The following PRH1 variants were observed in gnomAD, a reference collection of about 807,000 sequenced individuals.
PRH1 encodes the protein salivary acidic proline-rich phosphoprotein 1/2.
PRH1 carries 7 observed loss-of-function variants against 7.9 expected under a neutral mutation model. The ratio of observed to expected loss-of-function variants is 0.89; its 90% CI spans 0.50 to 1.67. The LOEUF (loss-of-function observed/expected upper bound fraction) is 1.67. PRH1 is among the 40% of genes most tolerant of loss of function. PRH1 has a pLI of 0.00. For synonymous variants in PRH1, 45 were observed against 80.8 expected (o/e 0.56, Z 2.38); for missense variants, 109 against 223.6 (o/e 0.49, Z 3.27).
intron 1 of PRH1, chr12:10,987,000 A>G (rs1939676974): frequency 3.7e-6 from 2 of 543,218 alleles, no homozygotes; most frequent in South Asian, 9.0e-5. Flanking sequence ...CACTGTGACC[A>G]GTGTCAAACA....
intron 1 of PRH1, among the ~76,000 whole-genome samples, chr12:10,883,529 C>G (rs1447216282): frequency 6.6e-6 from 1 of 152,172 alleles, no homozygotes; most frequent in Admixed American, 6.5e-5. Flanking sequence ...GGGGATTCTT[C>G]TGCCCTCTTT....
chr12:11,028,315 A>C (rs1357789664), intron 1 of PRH1, among the ~76,000 whole-genome samples: 1 of 152,228 alleles, frequency 6.6e-6, no homozygotes, highest in Non-Finnish European at 1.5e-5. Flanking sequence ...GACTAATGCC[A>C]GCTGTGGTTT....
chr12:11,137,791 TG>T (rs1946596883), intron 1 of PRH1, among the ~76,000 whole-genome samples: 1 of 152,202 alleles, frequency 6.6e-6, no homozygotes, highest in African/African-American at 2.4e-5. Context: ...TTCCAAATTA[TG>T]TGTTTAAATA....
In PRH1 at chr12:11,021,476, C is replaced by T. The variant is rs1941624202; in HGVS notation, c.-126+25544G>A. On this transcript the variant is annotated intron_variant, in intron 1 of 3. Transcript: ENST00000539853. ...TTTATGGTCAACGTTGTTATTCACA[C>T]ACATGCACACATATACACCCATAAA... 1.1e-5 allele frequency: 5 copies of T among 460,362 alleles called. No homozygotes were observed. In the South Asian group the frequency reaches 2.5e-4, roughly 23 times the overall value. 28.5% of individuals were successfully genotyped at this position (460,362 alleles called of 1,614,324 possible).
chr12:11,020,368 A>ATC lies in PRH1; in HGVS notation c.-126+26651_-126+26652insGA, dbSNP rs1241776858. Among the ~76,000 whole-genome samples the ATC allele has an allele frequency of 4.3e-3, 183 of 42,294 alleles. 7 individuals are homozygous for ATC. The East Asian group carries it at 0.3, about 69-fold the overall frequency. The allele number at this position is 42,294 out of a possible 152,430, so 27.7% of individuals were successfully genotyped here. Reference sequence around the variant, plus strand: ...AGGGAGGACGTATGATAAGCGATATATATATATATATATATATATATATGT... The same window carrying ATC: ...AGGGAGGACGTATGATAAGCGATATATCTATATATATATATATATATATATGT... On this transcript the variant is annotated intron_variant, in intron 1 of 3. Coordinates refer to the PRH1 transcript ENST00000539853.
At chr12:10,955,977 T>C (rs978552324) in intron 2 of PRH1, among the ~76,000 whole-genome samples, 1 of 152,000 alleles carries the variant, frequency 6.6e-6, no homozygotes, top group Non-Finnish European at 1.5e-5. Flanking sequence ...TAGGACCTGA[T>C]AGATTCTCAG....
chr12:11,098,876 A>G (rs1388887966), intron 1 of PRH1, among the ~76,000 whole-genome samples: 1 of 152,198 alleles, frequency 6.6e-6, no homozygotes, highest in African/African-American at 2.4e-5. Context: ...TTATTTTCTC[A>G]AAATTTCCAA....
At chr12:11,142,346 T>C (rs1248915155) in intron 1 of PRH1, among the ~76,000 whole-genome samples, 3 of 152,136 alleles carry the variant, frequency 2.0e-5, no homozygotes, top group Admixed American at 6.5e-5. Context: ...GGAAAACCAC[T>C]CCTAAAATAT....
intron 1 of PRH1, chr12:11,092,431 C>T: frequency 3.1e-6 from 1 of 322,478 alleles, no homozygotes; most frequent in South Asian, 3.1e-5. Context: ...AAAGCTTCCA[C>T]AGAGTGAAAG....
chr12:11,150,716 T>C (rs1947054067), intron 1 of PRH1, among the ~76,000 whole-genome samples: 1 of 152,164 alleles, frequency 6.6e-6, no homozygotes, highest in Non-Finnish European at 1.5e-5. Context: ...ATATACCTAA[T>C]GCTAAATGAC....
At position 11,107,864 on chromosome 12, in the gene PRH1, A is replaced by G. The variant is rs151317411; in HGVS notation, n.124-60676T>C. On this transcript the variant is annotated intron_variant and non_coding_transcript_variant, in intron 1 of 4. Transcript: ENST00000541977. Reference sequence around the variant, plus strand: ...ACTACCTCAAAGAATTTAATAATCAATTTCCCTAAGCTCAAGGATAAAGAA... The same window carrying G: ...ACTACCTCAAAGAATTTAATAATCAGTTTCCCTAAGCTCAAGGATAAAGAA... Among the ~76,000 whole-genome samples, 4 of 152,332 alleles carry G rather than the reference A, an allele frequency of 2.6e-5. No individual in the cohort carries two copies. The East Asian group carries it at 5.8e-4, about 22-fold the overall frequency.
At chr12:11,031,307 G>C in intron 1 of PRH1, 1 of 1,611,392 alleles carries the variant, frequency 6.2e-7, no homozygotes, top group Admixed American at 1.7e-5. Context: ...TACCACACTG[G>C]AAAAAATGAT....
intron 1 of PRH1, among the ~76,000 whole-genome samples, chr12:11,167,072 C>T (rs1947603044): frequency 6.6e-6 from 1 of 152,168 alleles, no homozygotes; most frequent in South Asian, 2.1e-4. Flanking sequence ...ATCACATTTG[C>T]AAAATCTCCA....
intron 1 of PRH1, among the ~76,000 whole-genome samples, chr12:11,002,975 A>C (rs1940662843): frequency 6.6e-6 from 1 of 152,004 alleles, no homozygotes; most frequent in African/African-American, 2.4e-5. Flanking sequence ...CTTATGAAAA[A>C]TTCCCTAATT....
chr12:11,049,693 C>T (rs774435642), upstream of PRH1, among the ~76,000 whole-genome samples: 20 of 152,182 alleles, frequency 1.3e-4, no homozygotes, highest in Non-Finnish European at 2.2e-4. Context: ...AAACCCAATA[C>T]ACATATCATA....
intron 2 of PRH1, among the ~76,000 whole-genome samples, chr12:10,929,534 C>G (rs184850037): frequency 6.6e-6 from 1 of 152,068 alleles, no homozygotes; most frequent in Non-Finnish European, 1.5e-5. Flanking sequence ...ACAAATAGAA[C>G]CCAATAAAGA....
At chr12:11,139,914 T>A (rs149778533) in intron 1 of PRH1, among the ~76,000 whole-genome samples, 1,652 of 152,160 alleles carry the variant, frequency 0.011, 30 homozygotes, top group African/African-American at 0.037. Context: ...ATAAGTAACG[T>A]AAGAGTAATA....
At chr12:11,063,281 T>A (rs1388406135) in intron 1 of PRH1, among the ~76,000 whole-genome samples, 3 of 152,086 alleles carry the variant, frequency 2.0e-5, no homozygotes, top group African/African-American at 7.2e-5. Context: ...GAACTTGGAG[T>A]ACAACCATTT....
chr12:10,955,942 A>G (rs1370410259), intron 2 of PRH1, among the ~76,000 whole-genome samples: 1 of 152,118 alleles, frequency 6.6e-6, no homozygotes, highest in East Asian at 1.9e-4. Flanking sequence ...TAAAAAGCCT[A>G]CCAGACAAAC....
Sources: allele counts gnomAD v4.1 joint callset (sites outside exome capture counted in the v4.1 genomes callset), GRCh38; gene constraint gnomAD v4.1.1; transcripts MANE v1.5; gene names NCBI Gene and HGNC (gene_info 2026-07-23, HGNC 2026-07-21).